The following GABRB1 variants were observed in gnomAD, a reference collection of about 807,000 sequenced individuals.
The protein encoded by GABRB1 is gamma-aminobutyric acid type A receptor subunit beta1.
A neutral mutation model predicts 51.6 loss-of-function variants in GABRB1; 17 were observed. That is an observed-to-expected ratio of 0.33 (90% confidence interval 0.23 to 0.49). GABRB1 has a LOEUF of 0.49. Among genes scored for constraint, GABRB1 ranks in the 20% least tolerant of loss-of-function variants. GABRB1 has a pLI of 0.99. For missense variants in GABRB1, 410 were observed against 600.6 expected, an observed-to-expected ratio of 0.68 and a Z score of 3.32; for synonymous variants, 247 against 218.9, an observed-to-expected ratio of 1.13 and a Z score of -1.14.
intron 4 of GABRB1, among the ~76,000 whole-genome samples, chr4:47,283,341 C>G (rs1723364092): frequency 7.7e-6 from 1 of 129,280 alleles, no homozygotes; most frequent in Admixed American, 8.6e-5. Context: ...GGCAATGTTC[C>G]ATACCTGGTG....
chr4:47,302,271 G>A (rs1401555871), intron 4 of GABRB1, among the ~76,000 whole-genome samples: 2 of 152,086 alleles, frequency 1.3e-5, no homozygotes, highest in African/African-American at 4.8e-5. Context: ...TGTATTAAAT[G>A]TAGCATTTAT....
intron 5 of GABRB1, among the ~76,000 whole-genome samples, chr4:47,333,603 C>A (rs1268815075): frequency 2.0e-5 from 3 of 151,896 alleles, no homozygotes; most frequent in Non-Finnish European, 2.9e-5. Flanking sequence ...TAATCCCAGC[C>A]ACTCAGAAGG....
At chr4:47,090,082 T>C (rs1728232835) in intron 3 of GABRB1, among the ~76,000 whole-genome samples, 1 of 152,206 alleles carries the variant, frequency 6.6e-6, no homozygotes, top group African/African-American at 2.4e-5. Flanking sequence ...GCTAATCTTA[T>C]CAGACGTTTT....
At chr4:47,309,685 G>C (rs1019684010) in intron 4 of GABRB1, among the ~76,000 whole-genome samples, 2 of 151,940 alleles carry the variant, frequency 1.3e-5, no homozygotes, top group African/African-American at 4.8e-5. Flanking sequence ...TTACCTATAG[G>C]TTGACCAAAG....
At chr4:47,292,582 A>C (rs1178772678) in intron 4 of GABRB1, among the ~76,000 whole-genome samples, 1 of 152,250 alleles carries the variant, frequency 6.6e-6, no homozygotes, top group African/African-American at 2.4e-5. Flanking sequence ...TATGGAAAGC[A>C]AAGGCATTGA....
intron 3 of GABRB1, among the ~76,000 whole-genome samples, chr4:47,085,899 C>A (rs2109576469): frequency 6.6e-6 from 1 of 152,306 alleles, no homozygotes; most frequent in South Asian, 2.1e-4. Context: ...CCAGAAGCTG[C>A]CAGGCCTCTG....
chr4:47,146,109 C>T (rs1455723853), intron 3 of GABRB1, among the ~76,000 whole-genome samples: 2 of 151,956 alleles, frequency 1.3e-5, no homozygotes, highest in Non-Finnish European at 2.9e-5. Flanking sequence ...ATCACTTTAG[C>T]GGTCACACCG....
intron 5 of GABRB1, among the ~76,000 whole-genome samples, chr4:47,377,733 C>T (rs1340730431): frequency 6.6e-6 from 1 of 152,068 alleles, no homozygotes; most frequent in Non-Finnish European, 1.5e-5. Flanking sequence ...CAAAGTTCTC[C>T]AAGTCCCCAC....
chr4:47,205,110 A>C (rs907723670), intron 4 of GABRB1, among the ~76,000 whole-genome samples: 4 of 152,164 alleles, frequency 2.6e-5, no homozygotes, highest in African/African-American at 9.6e-5. Flanking sequence ...GGTTGTTGGC[A>C]TATGAAATCC....
intron 1 of GABRB1, among the ~76,000 whole-genome samples, chr4:47,005,741 G>T (rs1724370056): frequency 2.7e-5 from 1 of 36,460 alleles, no homozygotes; most frequent in Non-Finnish European, 7.6e-5. Context: ...AGGAACCAGT[G>T]CTTCTGCAAT....
chr4:47,032,069 A>T, intron 2 of GABRB1, 64 bp downstream of exon 2: 1 of 940,916 alleles, frequency 1.1e-6, no homozygotes, highest in Non-Finnish European at 1.6e-6. Flanking sequence ...TCAAAGATAA[A>T]TGTCAAAAAA....
chr4:47,113,989 C>T (rs190359343), intron 3 of GABRB1, among the ~76,000 whole-genome samples: 184 of 152,302 alleles, frequency 1.2e-3, no homozygotes, highest in Admixed American at 3.5e-3. Flanking sequence ...CACAGCCTTA[C>T]GGCAATTTAA....
chr4:47,184,896 T>C (rs1269745197), intron 4 of GABRB1, among the ~76,000 whole-genome samples: 1 of 151,778 alleles, frequency 6.6e-6, no homozygotes, highest in African/African-American at 2.4e-5. Context: ...TTAGGCAGAG[T>C]AGCTGCAAAA....
At chr4:47,220,196 G>T (rs1458639178) in intron 4 of GABRB1, among the ~76,000 whole-genome samples, 1 of 151,854 alleles carries the variant, frequency 6.6e-6, no homozygotes, top group Non-Finnish European at 1.5e-5. Context: ...ACCGCTTCCA[G>T]ACTGACTTCT....
At chr4:47,250,318 C>G (rs1471277364) in intron 4 of GABRB1, among the ~76,000 whole-genome samples, 1 of 152,188 alleles carries the variant, frequency 6.6e-6, no homozygotes, top group African/African-American at 2.4e-5. Context: ...GCTGAGAAAT[C>G]TGCTGTTAAT....
intron 3 of GABRB1, among the ~76,000 whole-genome samples, chr4:47,105,663 T>C (rs1714935800): frequency 6.6e-6 from 1 of 152,148 alleles, no homozygotes; most frequent in Admixed American, 6.6e-5. Flanking sequence ...TAGAATTTTA[T>C]GGCTTTTGTT....
In GABRB1 at chr4:47,165,518, C is replaced by T. The variant is rs1281408040; in HGVS notation, c.461+4049C>T. Reference sequence around the variant, plus strand: ...ACTGGTTCTCAATCTCTACTCTTGACTTCTCCGAATGCTTTAAGAGTAATG... The same window carrying T: ...ACTGGTTCTCAATCTCTACTCTTGATTTCTCCGAATGCTTTAAGAGTAATG... On this transcript the variant is annotated intron_variant, in intron 4 of 8. Coordinates refer to ENST00000295454, the MANE Select transcript of GABRB1 (RefSeq NM_000812.4). Among the ~76,000 whole-genome samples, 3 of 152,128 alleles carry T rather than the reference C, an allele frequency of 2.0e-5. No homozygotes were observed. The East Asian group carries it at 5.8e-4, about 29-fold the overall frequency.
At chr4:47,032,758 C>T (rs1258766958) in intron 3 of GABRB1, 1 of 661,682 alleles carries the variant, frequency 1.5e-6, no homozygotes, top group Non-Finnish European at 2.9e-6. Flanking sequence ...GGGGCGGAGT[C>T]TGAGCGTTAC....
At chr4:47,424,705 A>G (rs1035144129) in intron 8 of GABRB1, among the ~76,000 whole-genome samples, 8 of 152,202 alleles carry the variant, frequency 5.3e-5, no homozygotes, top group Non-Finnish European at 2.9e-5. Context: ...GAAGTACTTC[A>G]AGCTCATTTT....
Sources: allele counts gnomAD v4.1 joint callset (sites outside exome capture counted in the v4.1 genomes callset), GRCh38; gene constraint gnomAD v4.1.1; transcripts MANE v1.5; gene names NCBI Gene and HGNC (gene_info 2026-07-23, HGNC 2026-07-21).